Variants in SYCP2L observed in about 807,000 individuals in gnomAD.
SYCP2L encodes synaptonemal complex protein 2-like.
SYCP2L carries 98 observed loss-of-function variants against 125.8 expected under a neutral mutation model. The ratio of observed to expected loss-of-function variants is 0.78; its 90% CI spans 0.66 to 0.92. The LOEUF (loss-of-function observed/expected upper bound fraction) is 0.92, where lower values mean the gene tolerates loss of function less well. SYCP2L is among the 40% of genes least tolerant of loss of function. SYCP2L has a pLI of 0.00. For synonymous variants in SYCP2L, 317 were observed against 325.4 expected (o/e 0.97, Z 0.28); for missense variants, 842 against 936.4 (o/e 0.90, Z 1.32).
chr6:10,935,926 T>C (rs1442767380), intron 21 of SYCP2L, among the ~76,000 whole-genome samples: 1 of 152,230 alleles, frequency 6.6e-6, no homozygotes, highest in Admixed American at 6.5e-5. Flanking sequence ...GGTAGCAGAC[T>C]GGATCTGACT....
intron 21 of SYCP2L, among the ~76,000 whole-genome samples, chr6:10,939,443 G>T (rs138496267): frequency 6.6e-6 from 1 of 152,294 alleles, no homozygotes; most frequent in East Asian, 1.9e-4. Context: ...GAGGAATAAA[G>T]CTGGAGGCAT....
intron 4 of SYCP2L, among the ~76,000 whole-genome samples, 168 bp downstream of exon 4, chr6:10,894,372 A>T (rs1346251331): frequency 6.6e-6 from 1 of 152,234 alleles, no homozygotes; most frequent in Non-Finnish European, 1.5e-5. Flanking sequence ...AATTCGACAT[A>T]CATTTCCTGA....
At chr6:10,934,941 A>G (rs970040278) in intron 20 of SYCP2L, 117 bp from the exon 21 acceptor site, 3 of 960,450 alleles carry the variant, frequency 3.1e-6, no homozygotes, top group Non-Finnish European at 4.4e-6. Flanking sequence ...TTTATTTTCA[A>G]ATGGAGTAAA....
Position 10,956,149 on chromosome 6 carries a change from T to G in SYCP2L, c.2070T>G (p.Thr690=). The G allele has an allele frequency of 6.2e-7, 1 of 1,613,686 alleles. No individual in the cohort carries two copies. Among genetic ancestry groups the G allele is most frequent in the South Asian group, 1.1e-5 (1 of 91,066 alleles). Reference sequence around the variant, plus strand: ...TTTGTTTTCCAGAAGGAATTTCCACTTCATCCCTAGAAGTTGTGCCAGAGA... The same window carrying G: ...TTTGTTTTCCAGAAGGAATTTCCACGTCATCCCTAGAAGTTGTGCCAGAGA... ...EERELPEGIS[T]SSLEVVPENL... The change falls in exon 25 of 30, where the codon ACT becomes ACG. Residue 690 remains threonine, a synonymous_variant. Coordinates refer to ENST00000283141, the MANE Select transcript of SYCP2L (RefSeq NM_001040274.3).
intron 28 of SYCP2L, 28 bp downstream of exon 28, chr6:10,961,586 G>A: frequency 6.2e-7 from 1 of 1,612,232 alleles, no homozygotes; most frequent in Non-Finnish European, 8.5e-7. Flanking sequence ...CTTTCTAGAA[G>A]AATCTTGGTT....
rs372078712 is a variant in SYCP2L at position 10,891,509 on chromosome 6, A to G, written c.10-4A>G. 7.4e-5 allele frequency: 118 copies of G among 1,585,710 alleles called. No individual in the cohort carries two copies. The Middle Eastern group carries it at 8.4e-4, about 11-fold the overall frequency. On this transcript the variant is annotated splice_region_variant and splice_polypyrimidine_tract_variant and intron_variant, in intron 1 of 29. Coordinates refer to ENST00000283141, the MANE Select transcript of SYCP2L (RefSeq NM_001040274.3). ...GTTTAAAAACATGTTTTTATTCCAC[A>G]CAGAAAAACAAAGATGCTTTGCAGC...
Position 10,891,613 on chromosome 6 carries a change from CTG to C in SYCP2L, c.78+82_78+83del, listed in dbSNP as rs3066124. Reference sequence around the variant, plus strand: ...ATCAAGTTTCTTTTATAATCTCTCTCTGTGTGTGTGTGTGTGTGTGTGTGTGT... The same window carrying C: ...ATCAAGTTTCTTTTATAATCTCTCTCTGTGTGTGTGTGTGTGTGTGTGTGT... On this transcript the variant is annotated intron_variant, in intron 2 of 29. Coordinates refer to ENST00000283141, the MANE Select transcript of SYCP2L (RefSeq NM_001040274.3). 999 of 119,184 alleles carry C rather than the reference CTG, an allele frequency of 8.4e-3. 6 individuals are homozygous for C. Among genetic ancestry groups the C allele is most frequent in the African/African-American group, 0.03 (852 of 28,460 alleles). The allele number at this position is 119,184 out of a possible 1,614,324, so 7.4% of individuals were successfully genotyped here. A position where few individuals can be genotyped will look rare whatever the true frequency, so the allele number is the denominator to read the frequency against.
chr6:10,957,015 G>C (rs1249457414), intron 25 of SYCP2L, among the ~76,000 whole-genome samples: 2 of 151,908 alleles, frequency 1.3e-5, no homozygotes, highest in African/African-American at 4.8e-5. Flanking sequence ...TTTTTGTAGA[G>C]ATAGGGTCTT....
At chr6:10,915,406 A>G (rs761356056) in intron 14 of SYCP2L, among the ~76,000 whole-genome samples, 10 of 152,172 alleles carry the variant, frequency 6.6e-5, no homozygotes, top group African/African-American at 9.7e-5. Context: ...TCCAGTTCTC[A>G]GATGGAATGC....
At chr6:10,949,111 G>A (rs1781365653) in intron 23 of SYCP2L, among the ~76,000 whole-genome samples, 1 of 151,906 alleles carries the variant, frequency 6.6e-6, no homozygotes, top group Non-Finnish European at 1.5e-5. Context: ...ACTCTTCTCT[G>A]TTTTTATTTC....
Position 10,972,829 on chromosome 6 carries a change from C to T in SYCP2L, c.*38-1123C>T, listed in dbSNP as rs527635355. On this transcript the variant is annotated intron_variant, in intron 29 of 29. Coordinates refer to ENST00000283141, the MANE Select transcript of SYCP2L (RefSeq NM_001040274.3). ...AGGCGTCTGCCACCATGCCCAGCTT[C>T]CTCCCCACTTTTTAAAATCAGGGAA... Among the ~76,000 whole-genome samples, 6 of 152,174 alleles carry T rather than the reference C, an allele frequency of 3.9e-5. No homozygotes were observed. In the South Asian group the frequency reaches 8.3e-4, roughly 21 times the overall value.
intron 4 of SYCP2L, 85 bp from the exon 5 acceptor site, chr6:10,897,926 T>C: frequency 1.1e-6 from 1 of 901,522 alleles, no homozygotes; most frequent in Non-Finnish European, 1.8e-6. Flanking sequence ...GATTATTTTG[T>C]TGTAATGAGA....
rs1780485249 is a variant in SYCP2L, at chr6:10,906,180, T to TCC, written c.676+126_676+127insCC. 7.2e-6 allele frequency: 4 copies of TCC among 555,980 alleles called. No individual in the cohort carries two copies. In the South Asian group the frequency reaches 1.3e-4, roughly 18 times the overall value. 34.4% of individuals were successfully genotyped at this position (555,980 alleles called of 1,614,324 possible). ...GAAGATAGGAATCAGGGTTTTATTT[T>TCC]AAATTTATTTTGAGAGATTTTAGCA... On this transcript the variant is annotated intron_variant, in intron 9 of 29. Coordinates refer to ENST00000283141, the MANE Select transcript of SYCP2L (RefSeq NM_001040274.3).
chr6:10,931,736 G>C (rs552649211), intron 20 of SYCP2L, among the ~76,000 whole-genome samples: 1 of 152,260 alleles, frequency 6.6e-6, no homozygotes, highest in East Asian at 1.9e-4. Context: ...ATGCCAAGGC[G>C]GGTGGATCAC....
chr6:10,923,488 C>T (rs774398810), intron 14 of SYCP2L, among the ~76,000 whole-genome samples: 28 of 143,036 alleles, frequency 2.0e-4, no homozygotes, highest in Admixed American at 7.7e-4. Flanking sequence ...CGGGTTCAAG[C>T]AATTCTCCTG....
chr6:10,972,866 G>A (rs1181694170), intron 29 of SYCP2L, among the ~76,000 whole-genome samples: 1 of 152,050 alleles, frequency 6.6e-6, no homozygotes, highest in East Asian at 1.9e-4. Context: ...CAGTTTTCCT[G>A]GAAGCCCAAG....
chr6:10,940,295 A>C (rs911501260), intron 21 of SYCP2L, among the ~76,000 whole-genome samples: 1 of 152,186 alleles, frequency 6.6e-6, no homozygotes, highest in Non-Finnish European at 1.5e-5. Flanking sequence ...AAAAAATTAG[A>C]ATTGTATAGA....
Position 10,891,547 on chromosome 6 carries a change from A to T in SYCP2L, c.44A>T (p.Asp15Val). 1 of 1,607,036 alleles carries T rather than the reference A, an allele frequency of 6.2e-7. No individual in the cohort carries two copies. Among genetic ancestry groups the T allele is most frequent in the Non-Finnish European group, 8.5e-7 (1 of 1,175,932 alleles). Residue 15 changes from aspartate to valine, a missense_variant, in exon 2 of 30, where the codon GAC becomes GTC. Transcript: ENST00000283141. ...NKDALQPIKE[D>V]RTGKAQDDAF... Reference sequence around the variant, plus strand: ...GATGCTTTGCAGCCTATTAAGGAAGACAGGACTGGGAAGGCCCAGGATGAT... The same window carrying T: ...GATGCTTTGCAGCCTATTAAGGAAGTCAGGACTGGGAAGGCCCAGGATGAT...
In SYCP2L at chr6:10,912,936, A is replaced by G. The variant is rs1281025260; in HGVS notation, c.1072+9A>G. ...GAATTTCAGCATAACAGGTAATATGATACATTTAAACAACCCACGTCCAGT... is the reference window on the plus strand; with the variant it reads ...GAATTTCAGCATAACAGGTAATATGGTACATTTAAACAACCCACGTCCAGT... On this transcript the variant is annotated intron_variant, in intron 14 of 29. Transcript: ENST00000283141. This position sits in a 1 kb window ranked among gnomAD's most constrained non-coding sequence, Gnocchi z 4.1. The G allele has an allele frequency of 1.2e-6, 2 of 1,612,648 alleles. No homozygotes were observed. Among genetic ancestry groups the G allele is most frequent in the East Asian group, 4.5e-5 (2 of 44,858 alleles).
Sources: gnomAD v4.1 joint callset for allele counts (sites outside exome capture counted in the v4.1 genomes callset) on GRCh38, gnomAD v4.1.1 for gene constraint, Gnocchi (gnomAD v3.1) non-coding constraint, MANE v1.5 for transcripts, NCBI Gene and HGNC (gene_info 2026-07-23, HGNC 2026-07-21) for gene names.